The following CDH2 variants were observed in gnomAD, a reference collection of about 807,000 sequenced individuals.
CDH2 encodes the protein cadherin-2.
Under a neutral mutation model 92.0 loss-of-function variants are expected in CDH2, and 17 were observed. The ratio of observed to expected loss-of-function variants is 0.18; its 90% CI spans 0.13 to 0.28. CDH2 has a LOEUF of 0.28. Among genes scored for constraint, CDH2 ranks in the 10% least tolerant of loss-of-function variants. The pLI is 1.00. For synonymous variants in CDH2, 419 were observed against 415.9 expected (o/e 1.01, Z -0.09); for missense variants, 862 against 1,133.1 (o/e 0.76, Z 3.44).
chr18:28,016,476 T>C (rs1377324523), intron 2 of CDH2, among the ~76,000 whole-genome samples: 1 of 152,158 alleles, frequency 6.6e-6, no homozygotes, highest in African/African-American at 2.4e-5. Flanking sequence ...TTCAAAAAAT[T>C]CTACTTTTTA....
chr18:28,047,726 G>A (rs188188879), intron 2 of CDH2, among the ~76,000 whole-genome samples: 17 of 151,906 alleles, frequency 1.1e-4, no homozygotes, highest in African/African-American at 2.9e-4. Context: ...AAAATTAGCC[G>A]GGCGTGGTGG....
intron 6 of CDH2, among the ~76,000 whole-genome samples, chr18:27,945,323 A>ATTTTTTTTTTTTTTTTTTTTTTT (rs66537834): frequency 6.0e-5 from 4 of 66,460 alleles, no homozygotes; most frequent in African/African-American, 2.4e-4. Context: ...AGGAAGGAAG[A>ATTTTTTTTTTTTTTTTTTTTTTT]TTTTTTTTTT....
intron 2 of CDH2, among the ~76,000 whole-genome samples, chr18:28,095,279 G>A (rs993622667): frequency 4.6e-5 from 7 of 152,020 alleles, no homozygotes; most frequent in African/African-American, 1.7e-4. Context: ...TAGGCATGTG[G>A]AATTTAAAAG....
rs115345613 is a variant in CDH2, at chr18:28,138,736, T to C, written c.172+8937A>G. On this transcript the variant is annotated intron_variant, in intron 2 of 15. Transcript: ENST00000269141. ...CATGATCACCGTTCAACATGACTTG[T>C]CAAATGAAGAAATAATAAAATGAAT... Among the ~76,000 whole-genome samples the C allele has an allele frequency of 5.8e-3, 877 of 152,206 alleles. 10 individuals carry two copies. The highest frequency in any genetic ancestry group is 0.02 in the African/African-American group (839 of 41,550).
At chr18:27,948,598 A>T (rs753500505), downstream of CDH2, among the ~76,000 whole-genome samples, 2 of 151,916 alleles carry the variant, frequency 1.3e-5, no homozygotes, top group Non-Finnish European at 2.9e-5. Context: ...AATTAGAAAA[A>T]CACAAATAAC....
chr18:28,001,450 CT>C (rs776649416), intron 7 of CDH2, among the ~76,000 whole-genome samples: 1 of 152,142 alleles, frequency 6.6e-6, no homozygotes, highest in Non-Finnish European at 1.5e-5. Context: ...ACTAAATCTA[CT>C]TGGTATATGA....
At position 27,952,071 on chromosome 18, in the gene CDH2, T is replaced by C. The variant is rs1468920872; in HGVS notation, c.*82A>G. 2 of 1,264,380 alleles carry C rather than the reference T, an allele frequency of 1.6e-6. No individual in the cohort carries two copies. Among genetic ancestry groups the C allele is most frequent in the Non-Finnish European group, 2.3e-6 (2 of 866,738 alleles). 78.3% of individuals were successfully genotyped at this position (1,264,380 alleles called of 1,614,324 possible). On this transcript the variant is annotated 3_prime_UTR_variant, in exon 16 of 16. Transcript: ENST00000269141. ...GCACTGTGCTAGTAGACTACAAAGTTAAAGCCTAGCTTCTGAATGCTTTTT... is the reference window on the plus strand; with the variant it reads ...GCACTGTGCTAGTAGACTACAAAGTCAAAGCCTAGCTTCTGAATGCTTTTT...
chr18:28,001,497 C>T (rs1337271956), intron 7 of CDH2, among the ~76,000 whole-genome samples: 1 of 152,154 alleles, frequency 6.6e-6, no homozygotes, highest in Non-Finnish European at 1.5e-5. Flanking sequence ...CTGAAAATTA[C>T]CCCATATTCT....
chr18:28,089,690 A>C (rs978903651), intron 2 of CDH2, among the ~76,000 whole-genome samples: 7 of 152,220 alleles, frequency 4.6e-5, no homozygotes, highest in Admixed American at 1.3e-4. Context: ...TAATTGGTCC[A>C]ACCTGTAACT....
At chr18:28,007,417 T>C (rs1248352943) in intron 5 of CDH2, among the ~76,000 whole-genome samples, 1 of 151,806 alleles carries the variant, frequency 6.6e-6, no homozygotes, top group Non-Finnish European at 1.5e-5. Flanking sequence ...GCTTCTAGTT[T>C]TCATGTTAAG....
At chr18:28,146,416 A>G (rs2016035867) in intron 2 of CDH2, 1 of 152,090 alleles carries the variant, frequency 6.6e-6, no homozygotes, top group South Asian at 2.1e-4. Context: ...AAGGCTGTAC[A>G]CGGATTTAAA....
chr18:28,155,893 C>G (rs554657837), intron 1 of CDH2, among the ~76,000 whole-genome samples: 73 of 152,336 alleles, frequency 4.8e-4, no homozygotes, highest in African/African-American at 1.7e-3. Flanking sequence ...AAGATTTTCT[C>G]TGTGTCAGTA....
intron 2 of CDH2, among the ~76,000 whole-genome samples, chr18:28,121,221 C>G (rs1380779339): frequency 6.6e-6 from 1 of 152,048 alleles, no homozygotes; most frequent in Non-Finnish European, 1.5e-5. Context: ...TCCAAGAGAT[C>G]ATTACAAATG....
At chr18:28,036,551 C>T (rs2013834565) in intron 2 of CDH2, 1 of 1,597,644 alleles carries the variant, frequency 6.3e-7, no homozygotes, top group Non-Finnish European at 8.6e-7. Flanking sequence ...AAAAACATGC[C>T]ATCAAGTTTC....
At chr18:28,112,949 A>G (rs1044019703) in intron 2 of CDH2, among the ~76,000 whole-genome samples, 1 of 152,188 alleles carries the variant, frequency 6.6e-6, no homozygotes, top group East Asian at 1.9e-4. Flanking sequence ...ACTCAAAACA[A>G]TAAGAAAAAA....
chr18:28,007,165 A>AAAAAAATATATATATATATAT (rs1172779200), intron 5 of CDH2, among the ~76,000 whole-genome samples: 240 of 110,334 alleles, frequency 2.2e-3, no homozygotes, highest in South Asian at 3.5e-3. Flanking sequence ...ATAAAAAAAA[A>AAAAAAATATATATATATATAT]ATATATATAT....
chr18:27,973,378 G>C (rs17445707), intron 14 of CDH2, among the ~76,000 whole-genome samples: 1 of 152,044 alleles, frequency 6.6e-6, no homozygotes, highest in Non-Finnish European at 1.5e-5. Flanking sequence ...ACATGTGCCA[G>C]TGCTGGATCC....
intron 2 of CDH2, among the ~76,000 whole-genome samples, chr18:28,108,891 A>G (rs748967162): frequency 6.6e-6 from 1 of 152,144 alleles, no homozygotes; most frequent in African/African-American, 2.4e-5. Flanking sequence ...ACTCTGCAGA[A>G]TTCCATTTAC....
chr18:28,047,365 T>A (rs2014097114), intron 2 of CDH2, among the ~76,000 whole-genome samples: 1 of 152,042 alleles, frequency 6.6e-6, no homozygotes, highest in Non-Finnish European at 1.5e-5. Context: ...AGGACAGAGG[T>A]TATGTTTCGC....
Sources: allele counts gnomAD v4.1 joint callset (sites outside exome capture counted in the v4.1 genomes callset), GRCh38; gene constraint gnomAD v4.1.1; transcripts MANE v1.5; gene names NCBI Gene and HGNC (gene_info 2026-07-23, HGNC 2026-07-21).